The following SMG6 variants were observed in gnomAD, a reference collection of about 807,000 sequenced individuals.
SMG6 encodes telomerase-binding protein EST1A.
In SMG6, 66 loss-of-function variants were observed where a neutral mutation model predicts 142.2. The observed-to-expected ratio is 0.46, with a 90% CI of 0.38 to 0.57. The LOEUF is 0.57. SMG6 is among the 20% of genes least tolerant of loss of function. The pLI is 0.00. For missense variants in SMG6, 1,793 were observed against 1,832.0 expected (o/e 0.98, Z 0.39); for synonymous variants, 779 against 702.4 (o/e 1.11, Z -1.72).
At chr17:2,106,892 C>T (rs887168569) in intron 13 of SMG6, among the ~76,000 whole-genome samples, 5 of 150,808 alleles carry the variant, frequency 3.3e-5, no homozygotes, top group Admixed American at 6.6e-5. Flanking sequence ...TGTGCGATCT[C>T]GGCTCACTGC....
chr17:2,146,150 T>G (rs1483375816), intron 13 of SMG6, among the ~76,000 whole-genome samples: 4 of 152,198 alleles, frequency 2.6e-5, no homozygotes, highest in Non-Finnish European at 5.9e-5. Flanking sequence ...TGCAAAAATA[T>G]GCTTAAGTAA....
At chr17:2,083,471 G>C (rs1282187587) in intron 14 of SMG6, among the ~76,000 whole-genome samples, 5 of 152,230 alleles carry the variant, frequency 3.3e-5, no homozygotes, top group Admixed American at 1.3e-4. Flanking sequence ...CAGTTTTGCA[G>C]TTTGGGGAGA....
intron 12 of SMG6, among the ~76,000 whole-genome samples, chr17:2,183,366 G>T (rs2071866810): frequency 6.6e-6 from 1 of 152,154 alleles, no homozygotes; most frequent in Non-Finnish European, 1.5e-5. Context: ...GAGCCTACAC[G>T]CACAGTTGTA....
chr17:2,252,222 G>A (rs1186154330), intron 8 of SMG6, among the ~76,000 whole-genome samples: 1 of 152,110 alleles, frequency 6.6e-6, no homozygotes, highest in African/African-American at 2.4e-5. Context: ...GCCCATCCTG[G>A]CCAACGGTGA....
chr17:2,205,082 T>C (rs967232299), intron 10 of SMG6, among the ~76,000 whole-genome samples: 3 of 152,204 alleles, frequency 2.0e-5, no homozygotes, highest in African/African-American at 4.8e-5. Flanking sequence ...TTTGGTTTTT[T>C]TTCTGAGACT....
rs185087375 is a variant in SMG6 at position 2,077,385 on chromosome 17, G to C, written c.3681+4425C>G. On this transcript the variant is annotated intron_variant, in intron 15 of 18. Transcript: ENST00000263073. Reference sequence around the variant, plus strand: ...GACGGATTCCTCCTGGGGGAGACCAGGGGGGGCTTCACTGGGGAAGTGGAG... The same window carrying C: ...GACGGATTCCTCCTGGGGGAGACCACGGGGGGCTTCACTGGGGAAGTGGAG... Among the ~76,000 whole-genome samples, 915 of 152,036 alleles carry C rather than the reference G, an allele frequency of 6.0e-3. 5 individuals carry two copies. Among genetic ancestry groups the C allele is most frequent in the Non-Finnish European group, 0.01 (707 of 67,986 alleles).
At chr17:2,154,945 G>GGAT (rs2070954856) in intron 13 of SMG6, among the ~76,000 whole-genome samples, 1 of 152,028 alleles carries the variant, frequency 6.6e-6, no homozygotes, top group African/African-American at 2.4e-5. Flanking sequence ...TGAGGTGGGA[G>GGAT]GATCCCTTGA....
chr17:2,165,260 G>C (rs968395254), intron 13 of SMG6, among the ~76,000 whole-genome samples: 2 of 150,264 alleles, frequency 1.3e-5, no homozygotes, highest in Admixed American at 6.7e-5. Context: ...GGACACTGCA[G>C]TATCATTTAT....
At position 2,188,471 on chromosome 17, in the gene SMG6, C is replaced by A. The variant is rs903160; in HGVS notation, c.2914G>T (p.Ala972Ser). The A allele has an allele frequency of 1.9e-6, 3 of 1,613,728 alleles. No individual in the cohort carries two copies. The highest frequency in any genetic ancestry group is 1.1e-5 in the South Asian group (1 of 91,052). The change falls in exon 11 of 19, where the codon GCA becomes TCA. Residue 972 changes from alanine (A) to serine (S), a missense_variant. By Grantham distance (99) the Ala-to-Ser change is moderately conservative. This residue lies in a region of SMG6 where 1,597 missense variants were observed against 1,584.6 expected (regional missense o/e 1.01). Coordinates refer to ENST00000263073, the MANE Select transcript of SMG6 (RefSeq NM_017575.5). ...ECRSVIQEQA[A>S]ALGLAMFSLL... ...GAAAACATGGCCAAGCCCAGAGCTG[C>A]GGCTTGTTCCTGGATCACAGAGCGG...
intron 10 of SMG6, among the ~76,000 whole-genome samples, chr17:2,204,213 G>C (rs779754771): frequency 6.6e-6 from 1 of 152,178 alleles, no homozygotes; most frequent in Non-Finnish European, 1.5e-5. Context: ...AAGGTACCTA[G>C]AATAAAAAGG....
intron 15 of SMG6, among the ~76,000 whole-genome samples, chr17:2,079,325 G>A (rs1050623214): frequency 9.2e-5 from 14 of 152,288 alleles, no homozygotes; most frequent in South Asian, 6.2e-4. Flanking sequence ...AAGAAATAAC[G>A]GTAGAAACAG....
chr17:2,180,211 G>A (rs2071764137), intron 12 of SMG6, among the ~76,000 whole-genome samples: 1 of 152,180 alleles, frequency 6.6e-6, no homozygotes, highest in African/African-American at 2.4e-5. Flanking sequence ...GGCTTGGTGT[G>A]GATGGGAACA....
chr17:2,147,336 T>C lies in SMG6; in HGVS notation c.3357+25322A>G, dbSNP rs564682026. ...TGAACCTGGGAGGCAGAGGTTGCAG[T>C]GAGCCAGGATTGCACCACTGCACTC... is the stretch of plus-strand genomic sequence containing the variant. On this transcript the variant is annotated intron_variant, in intron 13 of 18. Transcript: ENST00000263073. Among the ~76,000 whole-genome samples the C allele has an allele frequency of 6.1e-4, 93 of 152,186 alleles. No homozygotes were observed. In the South Asian group the frequency reaches 6.9e-3, roughly 11 times the overall value.
At chr17:2,298,863 G>A in intron 2 of SMG6, 43 bp downstream of exon 2, 1 of 1,564,612 alleles carries the variant, frequency 6.4e-7, no homozygotes, top group Admixed American at 1.8e-5. Context: ...TACACCTCCG[G>A]CTGATCCCCA....
At position 2,215,482 on chromosome 17, in the gene SMG6, T is replaced by G. The variant is rs527679132; in HGVS notation, c.2869+21010A>C. ...GAAAAATTGAAAACTACCTAAAAAC[T>G]CATGGAGAGGTTTATTTTATTAGTT... On this transcript the variant is annotated intron_variant, in intron 10 of 18. Coordinates refer to ENST00000263073, the MANE Select transcript of SMG6 (RefSeq NM_017575.5). The G allele has an allele frequency of 5.9e-5, 9 of 152,262 alleles. No homozygotes were observed. In the East Asian group the frequency reaches 1.5e-3, roughly 26 times the overall value. 9.4% of individuals were successfully genotyped at this position (152,262 alleles called of 1,614,324 possible).
chr17:2,300,564 G>A lies in SMG6; in HGVS notation c.189C>T (p.Pro63=), dbSNP rs369467993. Residue 63 remains proline (P), a synonymous_variant, in exon 2 of 19, where the codon CCC becomes CCT. Coordinates refer to ENST00000263073, the MANE Select transcript of SMG6 (RefSeq NM_017575.5). Reference sequence around the variant, plus strand: ...CACTCCCAGGGGGTTCCTTGATTTTGGGCTTGTTCCTTAGCCGAGAAAGGC... The same window carrying A: ...CACTCCCAGGGGGTTCCTTGATTTTAGGCTTGTTCCTTAGCCGAGAAAGGC... ...KPGLSRLRNK[P]KIKEPPGSEE... is the part of the protein sequence containing the mutation. The A allele has an allele frequency of 1.6e-4, 256 of 1,613,868 alleles. No homozygotes were observed. Among genetic ancestry groups the A allele is most frequent in the Non-Finnish European group, 1.2e-4 (136 of 1,179,956 alleles).
chr17:2,295,025 C>A (rs2075116288), intron 4 of SMG6, among the ~76,000 whole-genome samples: 1 of 152,042 alleles, frequency 6.6e-6, no homozygotes, highest in African/African-American at 2.4e-5. Context: ...TACAGGCATG[C>A]ACCACCACAC....
chr17:2,072,932 C>G (rs1194102194), intron 15 of SMG6: 1 of 152,214 alleles, frequency 6.6e-6, no homozygotes, highest in Non-Finnish European at 1.5e-5. Flanking sequence ...ATTAGTAACT[C>G]AATAAATGCC....
intron 13 of SMG6, among the ~76,000 whole-genome samples, chr17:2,138,290 TACTCAAAC>T (rs2070369071): frequency 6.6e-6 from 1 of 152,142 alleles, no homozygotes; most frequent in Non-Finnish European, 1.5e-5. Flanking sequence ...GAGAACTGGA[TACTCAAAC>T]ACTCCAAGAT....
Sources: allele counts gnomAD v4.1 joint callset (sites outside exome capture counted in the v4.1 genomes callset), GRCh38; gene constraint gnomAD v4.1.1; regional missense constraint gnomAD v4.1.1; transcripts MANE v1.5; gene names NCBI Gene and HGNC (gene_info 2026-07-23, HGNC 2026-07-21).